NR6A1: variants seen among roughly 807,000 people sequenced by gnomAD.
NR6A1 encodes nuclear receptor subfamily 6 group A member 1.
Under a neutral mutation model 59.1 loss-of-function variants are expected in NR6A1, and 7 were observed. That is an observed-to-expected ratio of 0.12 (90% CI 0.07 to 0.22). The LOEUF is 0.22. Among genes scored for constraint, NR6A1 ranks in the 10% least tolerant of loss-of-function variants. NR6A1 has a pLI of 1.00. For missense variants in NR6A1, 468 were observed against 611.6 expected (o/e 0.77, Z 2.48); for synonymous variants, 243 against 236.1 (o/e 1.03, Z -0.27).
At chr9:124,536,663 TAA>T (rs79553613) in intron 6 of NR6A1, among the ~76,000 whole-genome samples, 38 of 128,442 alleles carry the variant, frequency 3.0e-4, no homozygotes, top group Admixed American at 2.4e-4. Context: ...AGACTCTGTC[TAA>T]AAAAAAAAAA....
At chr9:124,663,853 G>A (rs1837522290) in intron 2 of NR6A1, among the ~76,000 whole-genome samples, 1 of 152,142 alleles carries the variant, frequency 6.6e-6, no homozygotes. Context: ...GAGGTGGAAT[G>A]TCAGACTTCA....
At chr9:124,684,548 C>G (rs1314986315) in intron 2 of NR6A1, among the ~76,000 whole-genome samples, 2 of 152,104 alleles carry the variant, frequency 1.3e-5, no homozygotes, top group Admixed American at 1.3e-4. Context: ...TGGCCAGGAG[C>G]CCAAGCTGAA....
At chr9:124,538,347 G>A (rs1476216633) in intron 5 of NR6A1, 28 bp from the exon 6 acceptor site, 2 of 1,569,088 alleles carry the variant, frequency 1.3e-6, no homozygotes, top group East Asian at 2.2e-5. Flanking sequence ...GCGTCAAACA[G>A]AGCCATGGCA....
Position 124,715,352 on chromosome 9 carries a change from G to A in NR6A1, c.142+17956C>T, listed in dbSNP as rs139757850. On this transcript the variant is annotated intron_variant, in intron 2 of 9. Coordinates refer to ENST00000487099, the MANE Select transcript of NR6A1 (RefSeq NM_033334.4). ...AGCCTGGACAACATAGTGAGACCCC[G>A]TCTCTACAAAAATATATATATATTT... Among the ~76,000 whole-genome samples the A allele has an allele frequency of 1.3e-3, 190 of 151,874 alleles. 1 individual carries two copies. In the East Asian group the frequency reaches 0.032, roughly 26 times the overall value.
intron 3 of NR6A1, among the ~76,000 whole-genome samples, chr9:124,546,775 T>C (rs1273565306): frequency 1.3e-5 from 2 of 152,220 alleles, no homozygotes; most frequent in South Asian, 4.1e-4. Flanking sequence ...ACTGCCTCTG[T>C]TAAAAACAAA....
intron 2 of NR6A1, among the ~76,000 whole-genome samples, chr9:124,729,986 T>G (rs1217863340): frequency 6.6e-6 from 1 of 152,066 alleles, no homozygotes; most frequent in Admixed American, 6.5e-5. Flanking sequence ...GCTAATTTTG[T>G]TTTTTTAGTA....
intron 2 of NR6A1, among the ~76,000 whole-genome samples, chr9:124,683,883 C>T (rs1564235666): frequency 6.6e-6 from 1 of 152,204 alleles, no homozygotes; most frequent in Non-Finnish European, 1.5e-5. Flanking sequence ...CCAAAAGTCA[C>T]ACGGCTACTA....
chr9:124,695,072 T>A (rs1331238668), intron 2 of NR6A1, among the ~76,000 whole-genome samples: 1 of 152,206 alleles, frequency 6.6e-6, no homozygotes, highest in Non-Finnish European at 1.5e-5. Context: ...TAGCTTAACA[T>A]CGGCTTCCTG....
intron 2 of NR6A1, among the ~76,000 whole-genome samples, chr9:124,633,284 T>C (rs1836499227): frequency 6.6e-6 from 1 of 150,382 alleles, no homozygotes. Context: ...GCGCCTGTAG[T>C]CCCAGCTACA....
At chr9:124,606,859 G>A (rs1835589688) in intron 2 of NR6A1, among the ~76,000 whole-genome samples, 1 of 152,198 alleles carries the variant, frequency 6.6e-6, no homozygotes, top group Admixed American at 6.5e-5. Context: ...GAGGAAAGGG[G>A]ATATTGCTTC....
Position 124,535,895 on chromosome 9 carries a change from G to T in NR6A1, c.1062C>A (p.Ser354=), listed in dbSNP as rs530534854. The change falls in exon 7 of 10, where the codon TCC becomes TCA. Residue 354 remains serine (S), a synonymous_variant. Coordinates refer to ENST00000487099, the MANE Select transcript of NR6A1 (RefSeq NM_033334.4). ...GGCCTCACCTGTGTAGTTCTTCATC[G>T]GAGGGCGAGTACTTGGCAGTGACAT... ...LADVTAKYSP[S]DEELHRFSDE... 2 of 1,614,214 alleles carry T rather than the reference G, an allele frequency of 1.2e-6. No homozygotes were observed. The highest frequency in any genetic ancestry group is 2.2e-5 in the East Asian group (1 of 44,882).
At chr9:124,728,012 A>T (rs1839774608) in intron 2 of NR6A1, among the ~76,000 whole-genome samples, 1 of 145,316 alleles carries the variant, frequency 6.9e-6, no homozygotes, top group African/African-American at 2.5e-5. Context: ...TTTTATTTTT[A>T]TTTTTATTTT....
At chr9:124,766,381 G>A (rs1840933807) in intron 1 of NR6A1, among the ~76,000 whole-genome samples, 1 of 152,186 alleles carries the variant, frequency 6.6e-6, no homozygotes, top group African/African-American at 2.4e-5. Flanking sequence ...GGGTATATCA[G>A]ATCACTACTT....
intron 2 of NR6A1, among the ~76,000 whole-genome samples, chr9:124,667,316 C>T (rs1837654531): frequency 6.6e-6 from 1 of 151,728 alleles, no homozygotes; most frequent in Non-Finnish European, 1.5e-5. Flanking sequence ...CAGGTGTGAG[C>T]CACTGCGTCC....
chr9:124,535,751 G>A (rs1289593202), intron 7 of NR6A1, 127 bp downstream of exon 7: 23 of 1,181,936 alleles, frequency 1.9e-5, no homozygotes, highest in Non-Finnish European at 2.7e-5. Context: ...GTCAGTGGCA[G>A]AGTGAGGATT....
At chr9:124,539,998 C>G (rs780810557) in intron 5 of NR6A1, 35 bp downstream of exon 5, 4 of 1,568,702 alleles carry the variant, frequency 2.5e-6, no homozygotes, top group Non-Finnish European at 3.5e-6. Flanking sequence ...TGGGGGATCC[C>G]TAGATGATGA....
intron 1 of NR6A1, among the ~76,000 whole-genome samples, chr9:124,736,357 A>C (rs1840020217): frequency 6.6e-6 from 1 of 152,206 alleles, no homozygotes; most frequent in Non-Finnish European, 1.5e-5. Flanking sequence ...AACAAAGAAA[A>C]TACTAAGTAA....
At chr9:124,719,931 G>A (rs1033001034) in intron 2 of NR6A1, among the ~76,000 whole-genome samples, 5 of 152,054 alleles carry the variant, frequency 3.3e-5, no homozygotes, top group Admixed American at 6.6e-5. Flanking sequence ...TCCATATAAA[G>A]AAGGCAGCCA....
At chr9:124,670,229 A>T (rs1191157948) in intron 2 of NR6A1, among the ~76,000 whole-genome samples, 1 of 151,770 alleles carries the variant, frequency 6.6e-6, no homozygotes, top group Non-Finnish European at 1.5e-5. Flanking sequence ...AAAAAAAAAA[A>T]AAAAATCAAA....
Sources: allele counts gnomAD v4.1 joint callset (sites outside exome capture counted in the v4.1 genomes callset), GRCh38; gene constraint gnomAD v4.1.1; transcripts MANE v1.5; gene names NCBI Gene and HGNC (gene_info 2026-07-23, HGNC 2026-07-21).